IPO9: variants seen among roughly 807,000 people sequenced by gnomAD.
IPO9 encodes importin-9.
Under a neutral mutation model 128.6 loss-of-function variants are expected in IPO9, and 28 were observed. The observed-to-expected ratio is 0.22, with a 90% confidence interval of 0.16 to 0.30. The LOEUF is 0.30. Ranked by LOEUF, IPO9 falls within the 10% of genes least tolerant of loss-of-function variation. The pLI is 1.00. For missense variants in IPO9, 935 were observed against 1,293.9 expected (o/e 0.72, Z 4.26); for synonymous variants, 455 against 475.8 (o/e 0.96, Z 0.57).
rs768085366 is a variant in IPO9 at position 201,858,462 on chromosome 1, T to A, written c.1237T>A (p.Phe413Ile). The A allele has an allele frequency of 1.3e-6, 2 of 1,572,894 alleles. No homozygotes were observed. Among genetic ancestry groups the A allele is most frequent in the Non-Finnish European group, 1.7e-6 (2 of 1,164,252 alleles). Residue 413 changes from phenylalanine to isoleucine, a missense_variant, in exon 12 of 24, where the codon TTC becomes ATC. Coordinates refer to ENST00000361565, the MANE Select transcript of IPO9 (RefSeq NM_018085.5). ...QDLLLAVATD[F>I]QNESAAALAA... is the part of the protein sequence containing the mutation. ...CTCTCTATAGGCTGTGGCCACAGAT[T>A]TCCAGAATGAAAGTGCAGCAGCCCT...
chr1:201,858,762 G>A, intron 12 of IPO9, 93 bp from the exon 13 acceptor site: 1 of 1,326,444 alleles, frequency 7.5e-7, no homozygotes, highest in East Asian at 2.3e-5. Flanking sequence ...AAGAGATTGT[G>A]CTGGAGTGCC....
In IPO9 at chr1:201,870,354, A is replaced by G. The variant is rs1185009584; in HGVS notation, c.2134-229A>G. Among the ~76,000 whole-genome samples, 1 of 152,222 alleles carries G rather than the reference A, an allele frequency of 6.6e-6. No homozygotes were observed. Among genetic ancestry groups the G allele is most frequent in the East Asian group, 1.9e-4 (1 of 5,202 alleles). ...GTCCCTTGTGATTAAAAAAATATAT[A>G]TACACATTTGTGAGATAGCTGATTA... On this transcript the variant is annotated intron_variant, in intron 17 of 23. Transcript: ENST00000361565. The surrounding 1 kb of genome is among the most constrained non-coding windows in gnomAD (Gnocchi z 4.9).
Position 201,853,018 on chromosome 1 carries a change from G to T in IPO9, c.611G>T (p.Gly204Val). Residue 204 changes from glycine to valine, a missense_variant, in exon 6 of 24, where the codon GGT becomes GTT. By Grantham distance (109) the Gly-to-Val change is moderately radical (BLOSUM62 -3). Coordinates refer to ENST00000361565, the MANE Select transcript of IPO9 (RefSeq NM_018085.5). ...YKIFTMAEVY[G>V]IRTRSRAVEI... ...CTGTAACCTTTCTTCCAGGTGTATG[G>T]TATTCGAACCCGTTCCCGAGCCGTG... The T allele has an allele frequency of 6.2e-7, 1 of 1,614,002 alleles. No homozygotes were observed. The highest frequency in any genetic ancestry group is 8.5e-7 in the Non-Finnish European group (1 of 1,179,924).
chr1:201,843,879 A>T (rs1680084895), intron 1 of IPO9, among the ~76,000 whole-genome samples: 1 of 151,996 alleles, frequency 6.6e-6, no homozygotes, highest in South Asian at 2.1e-4. Context: ...TTAGGAAAGA[A>T]TAAGGCTTAC....
rs771220994 is a variant in IPO9 at position 201,875,237 on chromosome 1, G to A, written c.3015+9G>A. On this transcript the variant is annotated intron_variant, in intron 23 of 23. Coordinates refer to ENST00000361565, the MANE Select transcript of IPO9 (RefSeq NM_018085.5). ...ATCAGATTGATCTGCAGGTGAGGGT[G>A]TCCAGAGATATCTTGCAAATGACAA... 2 of 1,609,848 alleles carry A rather than the reference G, an allele frequency of 1.2e-6. No homozygotes were observed. Among genetic ancestry groups the A allele is most frequent in the South Asian group, 2.2e-5 (2 of 91,004 alleles).
chr1:201,864,212 C>CT (rs1301208626), intron 14 of IPO9, among the ~76,000 whole-genome samples: 17 of 152,186 alleles, frequency 1.1e-4, no homozygotes, highest in Non-Finnish European at 2.2e-4. Context: ...CCTGCCCTGT[C>CT]TTATCTTTTG....
At chr1:201,875,084 A>G in intron 22 of IPO9, 68 bp from the exon 23 acceptor site, 3 of 1,453,468 alleles carry the variant, frequency 2.1e-6, no homozygotes, top group South Asian at 2.3e-5. Context: ...ATGTGGTAGT[A>G]TATCACCACT....
At chr1:201,868,229 T>C (rs1476814715) in intron 15 of IPO9, among the ~76,000 whole-genome samples, 1 of 152,164 alleles carries the variant, frequency 6.6e-6, no homozygotes, top group Non-Finnish European at 1.5e-5. Context: ...AGGAGATATG[T>C]ATGATTTCTC....
rs923694271 is a variant in IPO9 at position 201,834,160 on chromosome 1, T to A, written c.163+4788T>A. Among the ~76,000 whole-genome samples the A allele has an allele frequency of 1.1e-3, 166 of 150,622 alleles. 1 individual carries two copies. The highest frequency in any genetic ancestry group is 6.8e-3 in the Middle Eastern group (2 of 294). On this transcript the variant is annotated intron_variant, in intron 1 of 23. Transcript: ENST00000361565. ...TTCTACCTAAATAGGGTAAAAAAAA[T>A]TTTTTTTAAGTTTTTTTATTCGTTA...
intron 1 of IPO9, 49 bp downstream of exon 1, chr1:201,829,421 T>C: frequency 6.7e-7 from 1 of 1,489,058 alleles, no homozygotes; most frequent in Non-Finnish European, 9.0e-7. Context: ...CACAATCCGC[T>C]GACCGCAGCT....
rs115612855 is a variant in IPO9, at chr1:201,853,184, G to A, written c.690+87G>A. 2.6e-3 allele frequency: 2,575 copies of A among 978,906 alleles called. 16 individuals are homozygous for A. Among genetic ancestry groups the A allele is most frequent in the African/African-American group, 0.024 (1,507 of 62,168 alleles). The allele number at this position is 978,906 out of a possible 1,614,324, so 60.6% of individuals were successfully genotyped here. A position where few individuals can be genotyped will look rare whatever the true frequency, so the allele number is the denominator to read the frequency against. Reference sequence around the variant, plus strand: ...GTGAGTCATTTCATGATAGCAGCACGAAAAAGCACACTAACCAGTATTAGA... The same window carrying A: ...GTGAGTCATTTCATGATAGCAGCACAAAAAAGCACACTAACCAGTATTAGA... On this transcript the variant is annotated intron_variant, in intron 6 of 23. Coordinates refer to ENST00000361565, the MANE Select transcript of IPO9 (RefSeq NM_018085.5).
In IPO9 at chr1:201,834,206, T is replaced by A. The variant is rs943385153; in HGVS notation, c.163+4834T>A. Among the ~76,000 whole-genome samples the A allele has an allele frequency of 3.7e-5, 5 of 133,476 alleles. No homozygotes were observed. The East Asian group carries it at 6.0e-4, about 16-fold the overall frequency. 87.6% of individuals were successfully genotyped at this position (133,476 alleles called of 152,430 possible). Reference sequence around the variant, plus strand: ...CGTTAGAGTAAAAAAACTTTTCTTTTCTTTTTTTTTTTTGTTGCACTGCTA... The same window carrying A: ...CGTTAGAGTAAAAAAACTTTTCTTTACTTTTTTTTTTTTGTTGCACTGCTA... On this transcript the variant is annotated intron_variant, in intron 1 of 23. Transcript: ENST00000361565.
At chr1:201,848,724 T>G in intron 4 of IPO9, 130 bp downstream of exon 4, 1 of 857,256 alleles carries the variant, frequency 1.2e-6, no homozygotes, top group Non-Finnish European at 1.9e-6. Context: ...CTCCTAGTTT[T>G]TATCTCTCCA....
At chr1:201,857,700 C>T (rs1680358255) in intron 11 of IPO9, among the ~76,000 whole-genome samples, 1 of 151,326 alleles carries the variant, frequency 6.6e-6, no homozygotes, top group Non-Finnish European at 1.5e-5. Context: ...GAGGCTGACG[C>T]AGGAGAATTG....
chr1:201,875,927 C>T lies in IPO9; in HGVS notation c.3016-17C>T. ...CTTGCAATGTCTCACTAATGCCACT[C>T]TTGCTCTTTCCTCCAGGCATATCTC... On this transcript the variant is annotated splice_polypyrimidine_tract_variant and intron_variant, in intron 23 of 23. Coordinates refer to ENST00000361565, the MANE Select transcript of IPO9 (RefSeq NM_018085.5). The T allele has an allele frequency of 6.6e-7, 1 of 1,517,774 alleles. No individual in the cohort carries two copies. Among genetic ancestry groups the T allele is most frequent in the Non-Finnish European group, 9.2e-7 (1 of 1,092,510 alleles). 94.0% of individuals were successfully genotyped at this position (1,517,774 alleles called of 1,614,324 possible).
intron 5 of IPO9, among the ~76,000 whole-genome samples, 170 bp downstream of exon 5, chr1:201,852,362 G>C (rs752614877): frequency 8.5e-5 from 13 of 152,136 alleles, no homozygotes; most frequent in Non-Finnish European, 1.3e-4. Context: ...TCAACTACAA[G>C]GGCAAGCCTT....
chr1:201,857,253 CT>C, intron 11 of IPO9, 59 bp downstream of exon 11: 2 of 1,188,040 alleles, frequency 1.7e-6, no homozygotes, highest in Non-Finnish European at 1.3e-6. Flanking sequence ...AGCATTTCTT[CT>C]TTTTTGTAGA....
In IPO9 at chr1:201,829,310, C is replaced by G; in HGVS notation, c.101C>G (p.Ser34Cys). The G allele has an allele frequency of 6.3e-7, 1 of 1,596,682 alleles. No individual in the cohort carries two copies. Among genetic ancestry groups the G allele is most frequent in the South Asian group, 1.1e-5 (1 of 87,898 alleles). Residue 34 changes from serine to cysteine, a missense_variant, in exon 1 of 24, where the codon TCC (serine) becomes TGC (cysteine). Physicochemically the swap from Ser to Cys is moderately radical, Grantham distance 112. This residue lies in a region of IPO9 where 741 missense variants were observed against 1,019.1 expected (regional missense o/e 0.73). Transcript: ENST00000361565. ...ALVDTLTGIL[S>C]PVQEVRAAAE... ...GTGGATACGCTCACCGGGATCCTAT[C>G]CCCAGTACAGGAGGTGCGGGCGGCT...
chr1:201,875,259 A>C, intron 23 of IPO9, 31 bp downstream of exon 23: 1 of 1,573,570 alleles, frequency 6.4e-7, no homozygotes, highest in South Asian at 1.1e-5. Context: ...CTTGCAAATG[A>C]CAATGTCCCA....
Sources: gnomAD v4.1 joint callset for allele counts (sites outside exome capture counted in the v4.1 genomes callset) on GRCh38, gnomAD v4.1.1 for gene constraint, gnomAD v4.1.1 regional missense constraint, Gnocchi (gnomAD v3.1) non-coding constraint, MANE v1.5 for transcripts, NCBI Gene and HGNC (gene_info 2026-07-23, HGNC 2026-07-21) for gene names.